CWC25: variants seen among roughly 807,000 people sequenced by gnomAD.
CWC25 encodes the protein pre-mRNA-splicing factor CWC25 homolog.
CWC25 carries 31 observed loss-of-function variants against 54.6 expected under a neutral mutation model. That is an observed-to-expected ratio of 0.57 (90% CI 0.43 to 0.77). CWC25 has a LOEUF of 0.77. CWC25 is among the 30% of genes least tolerant of loss of function. The probability of loss-of-function intolerance (pLI) is 0.00; values close to 1 mark genes in which losing one functional copy is unlikely to be tolerated. For synonymous variants in CWC25, 151 were observed against 187.0 expected, an observed-to-expected ratio of 0.81 and a Z score of 1.57; for missense variants, 453 against 529.3, an observed-to-expected ratio of 0.86 and a Z score of 1.41.
rs544317673 is a variant in CWC25 at position 38,810,602 on chromosome 17, A to G, written c.499-7T>C. On this transcript the variant is annotated splice_region_variant and splice_polypyrimidine_tract_variant and intron_variant, in intron 4 of 9. Transcript: ENST00000614790. The stretch of plus-strand genomic sequence containing the variant: ...TTTCCAGACTCATTTGCAACTGGAA[A>G]ATGCCGAGAACACAAGCACACAAGA... 1.7e-5 allele frequency: 23 copies of G among 1,347,794 alleles called. No individual in the cohort carries two copies. The South Asian group carries it at 2.5e-4, about 15-fold the overall frequency. 83.5% of individuals were successfully genotyped at this position (1,347,794 alleles called of 1,614,324 possible). A position where few individuals can be genotyped will look rare whatever the true frequency, so the allele number is the denominator to read the frequency against.
At chr17:38,817,494 T>A (rs961065526) in intron 2 of CWC25, among the ~76,000 whole-genome samples, 1 of 151,436 alleles carries the variant, frequency 6.6e-6, no homozygotes, top group Non-Finnish European at 1.5e-5. Flanking sequence ...CTACTAAATA[T>A]ACAAAAAAAT....
rs569130998 is a variant in CWC25, at chr17:38,802,070, C to T, written c.*22G>A. 2.1e-5 allele frequency: 31 copies of T among 1,497,636 alleles called. No homozygotes were observed. The highest frequency in any genetic ancestry group is 4.6e-5 in the South Asian group (4 of 87,686). The allele number at this position is 1,497,636 out of a possible 1,614,324, so 92.8% of individuals were successfully genotyped here. A position where few individuals can be genotyped will look rare whatever the true frequency, so the allele number is the denominator to read the frequency against. ...AGCTTCCCTGGAAAATGCAGGAAAA[C>T]CAATAAGAGAGGGGACAGTTTTCAT... is the stretch of plus-strand genomic sequence containing the variant. On this transcript the variant is annotated 3_prime_UTR_variant, in exon 10 of 10. Transcript: ENST00000614790.
At chr17:38,822,761 G>T (rs995580452) in intron 1 of CWC25, among the ~76,000 whole-genome samples, 1 of 151,894 alleles carries the variant, frequency 6.6e-6, no homozygotes, top group Non-Finnish European at 1.5e-5. Context: ...GTGCAGGGAC[G>T]CAAGAAGAAG....
rs1161164925 is a variant in CWC25, at chr17:38,807,329, A to G, written c.691-353T>C. The stretch of plus-strand genomic sequence containing the variant: ...CAGAGCGAGACTCCGTCTCAAAAAA[A>G]AAAAAAAAAAAAAGAAAAGGCAGTG... On this transcript the variant is annotated intron_variant, in intron 6 of 9. Coordinates refer to ENST00000614790, the MANE Select transcript of CWC25 (RefSeq NM_017748.5). Among the ~76,000 whole-genome samples the G allele has an allele frequency of 1.1e-4, 15 of 138,876 alleles. 3 individuals carry two copies. The highest frequency in any genetic ancestry group is 2.1e-4 in the Non-Finnish European group (13 of 63,090). The allele number at this position is 138,876 out of a possible 152,430, so 91.1% of individuals were successfully genotyped here.
intron 1 of CWC25, among the ~76,000 whole-genome samples, chr17:38,822,607 T>C (rs1911966515): frequency 6.6e-6 from 1 of 152,098 alleles, no homozygotes; most frequent in African/African-American, 2.4e-5. Flanking sequence ...TAAAGACAAT[T>C]GTAAACTAGC....
chr17:38,808,745 C>T (rs1336739699), intron 6 of CWC25, among the ~76,000 whole-genome samples: 1 of 151,640 alleles, frequency 6.6e-6, no homozygotes, highest in Non-Finnish European at 1.5e-5. Flanking sequence ...TGCACCATTG[C>T]ACTCCAGCCT....
chr17:38,817,255 G>C (rs982020334), intron 2 of CWC25, among the ~76,000 whole-genome samples: 1 of 150,912 alleles, frequency 6.6e-6, no homozygotes, highest in African/African-American at 2.4e-5. Flanking sequence ...GAGGAGAATC[G>C]CTTGAACCCG....
intron 6 of CWC25, 67 bp downstream of exon 6, chr17:38,809,635 C>T: frequency 6.7e-7 from 1 of 1,487,398 alleles, no homozygotes; most frequent in South Asian, 1.2e-5. Flanking sequence ...TCCCTGCTAT[C>T]CACATTGTCC....
intron 8 of CWC25, among the ~76,000 whole-genome samples, chr17:38,803,882 A>G (rs1911125543): frequency 6.6e-6 from 1 of 151,958 alleles, no homozygotes; most frequent in South Asian, 2.1e-4. Context: ...TCTGCAAAAA[A>G]AAAATTTTTT....
intron 6 of CWC25, among the ~76,000 whole-genome samples, chr17:38,809,086 A>G (rs1638934253): frequency 6.6e-6 from 1 of 151,296 alleles, no homozygotes; most frequent in African/African-American, 2.4e-5. Flanking sequence ...GCTACTCAAA[A>G]AAAAAAAAAA....
chr17:38,823,045 A>G (rs1911990340), intron 1 of CWC25, among the ~76,000 whole-genome samples: 1 of 151,238 alleles, frequency 6.6e-6, no homozygotes, highest in African/African-American at 2.4e-5. Flanking sequence ...TCACCGTGTT[A>G]GCCATGATGG....
At chr17:38,820,140 ACCCAGACTGGT>A (rs975367346) in intron 2 of CWC25, among the ~76,000 whole-genome samples, 3 of 152,100 alleles carry the variant, frequency 2.0e-5, no homozygotes, top group African/African-American at 7.2e-5. Flanking sequence ...TCACTACATT[ACCCAGACTGGT>A]CTCAAACTCC....
chr17:38,825,105 A>T, intron 1 of CWC25, 61 bp downstream of exon 1: 1 of 887,880 alleles, frequency 1.1e-6, no homozygotes. Flanking sequence ...CTCTACCCCC[A>T]CCCCCTGCCA....
chr17:38,824,489 C>T (rs1912059885), intron 1 of CWC25, among the ~76,000 whole-genome samples: 1 of 151,844 alleles, frequency 6.6e-6, no homozygotes, highest in East Asian at 1.9e-4. Context: ...CAGATCGAGA[C>T]CAGCCTGACC....
chr17:38,817,926 A>G (rs1481565997), intron 2 of CWC25, among the ~76,000 whole-genome samples: 1 of 151,708 alleles, frequency 6.6e-6, no homozygotes, highest in Non-Finnish European at 1.5e-5. Flanking sequence ...AGATTGTGCC[A>G]CTGCACTCCA....
intron 2 of CWC25, among the ~76,000 whole-genome samples, chr17:38,819,299 A>T (rs1911829280): frequency 6.7e-6 from 1 of 150,336 alleles, no homozygotes; most frequent in Non-Finnish European, 1.5e-5. Flanking sequence ...TCCTGAGTTC[A>T]AGTGATTCTC....
At chr17:38,808,470 G>A (rs1211888033) in intron 6 of CWC25, among the ~76,000 whole-genome samples, 1 of 137,710 alleles carries the variant, frequency 7.3e-6, no homozygotes, top group East Asian at 2.2e-4. Flanking sequence ...TGGAGGACAG[G>A]ACCCAAGGTT....
At chr17:38,806,151 G>C in intron 8 of CWC25, 146 bp downstream of exon 8, 1 of 697,634 alleles carries the variant, frequency 1.4e-6, no homozygotes, top group Non-Finnish European at 2.5e-6. Context: ...GCTGGAGGCA[G>C]GGGACGCAGA....
At chr17:38,808,256 C>A (rs139510564) in intron 6 of CWC25, among the ~76,000 whole-genome samples, 6,643 of 136,562 alleles carry the variant, frequency 0.049, 1,065 homozygotes, top group African/African-American at 0.12. Flanking sequence ...GTGGTGGGTG[C>A]CCGTAGTCCC....
Sources: allele counts gnomAD v4.1 joint callset (sites outside exome capture counted in the v4.1 genomes callset), GRCh38; gene constraint gnomAD v4.1.1; transcripts MANE v1.5; gene names NCBI Gene and HGNC (gene_info 2026-07-23, HGNC 2026-07-21).